WWOX: variants seen among roughly 807,000 people sequenced by gnomAD.
WWOX encodes WW domain-containing oxidoreductase.
A neutral mutation model predicts 46.2 loss-of-function variants in WWOX; 69 were observed. The ratio of observed to expected loss-of-function variants is 1.49; its 90% CI spans 1.23 to 1.82. WWOX has a LOEUF of 1.82. WWOX is among the 40% of genes most tolerant of loss of function. The pLI is 0.00. For synonymous variants in WWOX, 359 were observed against 202.6 expected (o/e 1.77, Z -6.56); for missense variants, 919 against 542.6 (o/e 1.69, Z -6.89).
At chr16:79,154,740 T>C (rs777960697) in intron 8 of WWOX, among the ~76,000 whole-genome samples, 3 of 152,182 alleles carry the variant, frequency 2.0e-5, no homozygotes, top group Non-Finnish European at 4.4e-5. Context: ...TTAAACCAGT[T>C]TTCATGTCTT....
At chr16:78,174,858 T>C (rs145758697) in intron 5 of WWOX, among the ~76,000 whole-genome samples, 13,924 of 152,092 alleles carry the variant, frequency 0.092, 638 homozygotes, top group Non-Finnish European at 0.1. Flanking sequence ...TGTGGCGGCA[T>C]GCGCCTTTAG....
intron 8 of WWOX, among the ~76,000 whole-genome samples, chr16:78,706,779 T>C (rs2048336447): frequency 6.6e-6 from 1 of 152,174 alleles, no homozygotes; most frequent in Non-Finnish European, 1.5e-5. Flanking sequence ...CAGCTACCCT[T>C]GCAACTGACT....
intron 5 of WWOX, among the ~76,000 whole-genome samples, chr16:78,360,484 C>T (rs947658619): frequency 6.7e-6 from 1 of 149,346 alleles, no homozygotes; most frequent in South Asian, 2.1e-4. Flanking sequence ...ACTTGGGAGG[C>T]TGAGACATGA....
At chr16:78,989,671 G>A (rs2046845554) in intron 8 of WWOX, among the ~76,000 whole-genome samples, 1 of 152,172 alleles carries the variant, frequency 6.6e-6, no homozygotes, top group South Asian at 2.1e-4. Flanking sequence ...CAAGAAGGGT[G>A]TTAGGGAGCA....
chr16:78,475,913 A>T (rs544067833), intron 8 of WWOX, among the ~76,000 whole-genome samples: 1 of 152,316 alleles, frequency 6.6e-6, no homozygotes, highest in South Asian at 2.1e-4. Flanking sequence ...CTGGACAAAG[A>T]GGTATTAAAG....
At chr16:78,874,485 T>C (rs1216206265) in intron 8 of WWOX, among the ~76,000 whole-genome samples, 3 of 151,988 alleles carry the variant, frequency 2.0e-5, no homozygotes, top group Non-Finnish European at 4.4e-5. Context: ...TGGACTTGTC[T>C]GAGCCTGATG....
Position 78,300,938 on chromosome 16 carries a change from A to G in WWOX, c.517-85922A>G, listed in dbSNP as rs549645362. 2.7e-4 allele frequency among the ~76,000 whole-genome samples: 41 copies of G among 152,032 alleles called. 1 individual carries two copies. The highest frequency in any genetic ancestry group is 9.6e-4 in the African/African-American group (40 of 41,476). On this transcript the variant is annotated intron_variant, in intron 5 of 8. Coordinates refer to ENST00000566780, the MANE Select transcript of WWOX (RefSeq NM_016373.4). ...CATCTATCTGTCCATCTCTTTGTCC[A>G]TCCATCCAACTACCCACTTACCCAT...
At chr16:78,773,306 C>A (rs2050110669) in intron 8 of WWOX, among the ~76,000 whole-genome samples, 1 of 152,188 alleles carries the variant, frequency 6.6e-6, no homozygotes, top group Admixed American at 6.5e-5. Context: ...GGCTTCTGGA[C>A]TGTCAGTCAT....
In WWOX at chr16:78,548,934, T is replaced by C. The variant is rs111353105; in HGVS notation, c.1056+116182T>C. The stretch of plus-strand genomic sequence containing the variant: ...GAAGGTTTCTATCTTAACTGCCAAG[T>C]TTTGCCCCCCAAATATAGCCCCAAA... On this transcript the variant is annotated intron_variant, in intron 8 of 8. Transcript: ENST00000566780. 2.7e-4 allele frequency among the ~76,000 whole-genome samples: 41 copies of C among 152,324 alleles called. 1 individual carries two copies. The highest frequency in any genetic ancestry group is 9.6e-4 in the African/African-American group (40 of 41,574).
At chr16:79,202,954 C>A (rs1042358068) in intron 8 of WWOX, 8 of 152,140 alleles carry the variant, frequency 5.3e-5, no homozygotes, top group African/African-American at 1.7e-4. Flanking sequence ...ACCTTTGTAA[C>A]TTTCTATGCT....
At chr16:78,652,630 C>T (rs1056040367) in intron 8 of WWOX, among the ~76,000 whole-genome samples, 2 of 152,112 alleles carry the variant, frequency 1.3e-5, no homozygotes, top group African/African-American at 4.8e-5. Context: ...ATCATTAGCA[C>T]ACAGCCAAGA....
chr16:79,160,033 C>G (rs1407981013), intron 8 of WWOX, among the ~76,000 whole-genome samples: 4 of 152,196 alleles, frequency 2.6e-5, no homozygotes, highest in Non-Finnish European at 5.9e-5. Context: ...AAATTCCTGA[C>G]AAATGTCTGC....
At chr16:78,935,292 G>C (rs1258711345) in intron 8 of WWOX, among the ~76,000 whole-genome samples, 1 of 152,152 alleles carries the variant, frequency 6.6e-6, no homozygotes, top group East Asian at 1.9e-4. Context: ...CTGCTATAAA[G>C]ACACATGCAC....
intron 8 of WWOX, among the ~76,000 whole-genome samples, chr16:78,504,698 A>C: frequency 6.6e-6 from 1 of 152,150 alleles, no homozygotes; most frequent in East Asian, 1.9e-4. Context: ...GGGAGAATTA[A>C]TTCCAGTTTC....
At chr16:78,397,479 C>G (rs745625025) in intron 6 of WWOX, among the ~76,000 whole-genome samples, 4 of 152,172 alleles carry the variant, frequency 2.6e-5, no homozygotes, top group Non-Finnish European at 5.9e-5. Context: ...AATTAAGAAC[C>G]TCAACCAAGT....
chr16:79,201,368 G>T (rs1431541837), intron 8 of WWOX, among the ~76,000 whole-genome samples: 1 of 149,922 alleles, frequency 6.7e-6, no homozygotes, highest in Non-Finnish European at 1.5e-5. Context: ...TTTTTAAATG[G>T]GAAACTTACA....
At chr16:78,940,160 T>A (rs554581278) in intron 8 of WWOX, among the ~76,000 whole-genome samples, 12 of 152,182 alleles carry the variant, frequency 7.9e-5, no homozygotes, top group Non-Finnish European at 1.6e-4. Context: ...TTTAGGCAAA[T>A]GTATGCAGAT....
At chr16:78,974,663 G>C (rs181945678) in intron 8 of WWOX, among the ~76,000 whole-genome samples, 17 of 152,314 alleles carry the variant, frequency 1.1e-4, no homozygotes, top group Admixed American at 1.0e-3. Context: ...CTGTCCTGAA[G>C]AGGAGGACAG....
At chr16:78,617,690 C>G (rs2046061779) in intron 8 of WWOX, among the ~76,000 whole-genome samples, 1 of 152,118 alleles carries the variant, frequency 6.6e-6, no homozygotes. Context: ...CCAGTGGGCC[C>G]CGCTGCATTC....
Sources: allele counts gnomAD v4.1 joint callset (sites outside exome capture counted in the v4.1 genomes callset), GRCh38; gene constraint gnomAD v4.1.1; transcripts MANE v1.5; gene names NCBI Gene and HGNC (gene_info 2026-07-23, HGNC 2026-07-21).